Variants in DTNB observed in about 807,000 individuals in gnomAD.
DTNB encodes dystrobrevin beta, also known as DTN-B.
Under a neutral mutation model 90.7 loss-of-function variants are expected in DTNB, and 63 were observed. That is an observed-to-expected ratio of 0.69 (90% CI 0.57 to 0.86). The LOEUF (loss-of-function observed/expected upper bound fraction) is 0.86, where lower values mean the gene tolerates loss of function less well. Among genes scored for constraint, DTNB ranks in the 40% least tolerant of loss-of-function variants. The pLI is 0.00. For missense variants in DTNB, 744 were observed against 807.1 expected (o/e 0.92, Z 0.95); for synonymous variants, 277 against 286.7 (o/e 0.97, Z 0.34).
chr2:25,600,125 A>G (rs550931133), intron 5 of DTNB, among the ~76,000 whole-genome samples: 4 of 152,288 alleles, frequency 2.6e-5, no homozygotes, highest in African/African-American at 9.6e-5. Flanking sequence ...TGCTAGTCTT[A>G]CAAGGAGGAA....
chr2:25,560,229 T>G (rs564982459), intron 8 of DTNB, among the ~76,000 whole-genome samples: 29 of 152,232 alleles, frequency 1.9e-4, no homozygotes, highest in Non-Finnish European at 3.8e-4. Context: ...GGTGACAAAG[T>G]GAGACTCCGT....
intron 12 of DTNB, 141 bp from the exon 13 acceptor site, chr2:25,434,136 A>G (rs936354228): frequency 1.3e-5 from 9 of 717,572 alleles, no homozygotes; most frequent in Non-Finnish European, 1.8e-5. Context: ...ATACAATTCA[A>G]TGAGTCTTAG....
At chr2:25,471,926 T>A (rs190933250) in intron 10 of DTNB, among the ~76,000 whole-genome samples, 78 of 152,328 alleles carry the variant, frequency 5.1e-4, no homozygotes, top group African/African-American at 1.7e-3. Flanking sequence ...CAATGTAATA[T>A]TATATTTACA....
intron 10 of DTNB, among the ~76,000 whole-genome samples, chr2:25,477,189 C>T (rs1321507963): frequency 6.6e-6 from 1 of 152,146 alleles, no homozygotes; most frequent in Non-Finnish European, 1.5e-5. Flanking sequence ...ATATATACTG[C>T]TATTGCACAC....
chr2:25,654,411 A>G (rs567925927), intron 1 of DTNB, among the ~76,000 whole-genome samples: 15 of 152,308 alleles, frequency 9.8e-5, no homozygotes, highest in African/African-American at 3.4e-4. Flanking sequence ...ACTGCTAAAC[A>G]TTCTACAATG....
intron 18 of DTNB, among the ~76,000 whole-genome samples, chr2:25,384,384 A>G (rs778955682): frequency 6.6e-6 from 1 of 152,176 alleles, no homozygotes; most frequent in Non-Finnish European, 1.5e-5. Flanking sequence ...GGAAGTGCTA[A>G]TGCCGTCTAA....
intron 9 of DTNB, among the ~76,000 whole-genome samples, chr2:25,502,534 G>A (rs1439409477): frequency 6.6e-6 from 1 of 151,862 alleles, no homozygotes; most frequent in Non-Finnish European, 1.5e-5. Flanking sequence ...TTGAGCCCAG[G>A]AGGTGAAGAC....
At chr2:25,440,512 C>T (rs1305342661) in intron 12 of DTNB, among the ~76,000 whole-genome samples, 2 of 152,200 alleles carry the variant, frequency 1.3e-5, no homozygotes, top group Non-Finnish European at 2.9e-5. Context: ...GAACTTGCAA[C>T]ATGTGAGAAC....
At chr2:25,499,923 T>C (rs1364199425) in intron 9 of DTNB, among the ~76,000 whole-genome samples, 1 of 152,156 alleles carries the variant, frequency 6.6e-6, no homozygotes, top group Non-Finnish European at 1.5e-5. Context: ...TGAGACAGGG[T>C]CTTGCTCTTT....
At chr2:25,489,820 A>G (rs2066988512) in intron 9 of DTNB, among the ~76,000 whole-genome samples, 1 of 152,174 alleles carries the variant, frequency 6.6e-6, no homozygotes, top group Non-Finnish European at 1.5e-5. Flanking sequence ...AAATTTGAGG[A>G]ACTACCTGAA....
At position 25,628,231 on chromosome 2, in the gene DTNB, T is replaced by C. The variant is rs756276631; in HGVS notation, c.302A>G (p.Gln101Arg). 5 of 1,613,462 alleles carry C rather than the reference T, an allele frequency of 3.1e-6. No individual in the cohort carries two copies. Among genetic ancestry groups the C allele is most frequent in the Non-Finnish European group, 3.4e-6 (4 of 1,179,846 alleles). The change falls in exon 4 of 21, where the codon CAA (glutamine) becomes CGA (arginine). Residue 101 changes from glutamine (Q) to arginine (R), a missense_variant. Physicochemically the swap from Gln to Arg is conservative, Grantham distance 43. Transcript: ENST00000406818. The part of the protein sequence containing the change: ...QLNKRLPSTH[Q>R]ISVEQSISLL... Reference sequence around the variant, plus strand: ...GCTGATAGATTGTTCCACACTAATTTGGTGAGTAGAAGGAAGGCGCTTGTT... The same window carrying C: ...GCTGATAGATTGTTCCACACTAATTCGGTGAGTAGAAGGAAGGCGCTTGTT...
At chr2:25,434,949 T>C (rs1316073482) in intron 12 of DTNB, among the ~76,000 whole-genome samples, 2 of 152,210 alleles carry the variant, frequency 1.3e-5, no homozygotes, top group Non-Finnish European at 2.9e-5. Flanking sequence ...AAGTTCTCAA[T>C]AGTAAATTTT....
At chr2:25,646,792 C>T (rs2079551143) in intron 2 of DTNB, among the ~76,000 whole-genome samples, 1 of 152,154 alleles carries the variant, frequency 6.6e-6, no homozygotes, top group African/African-American at 2.4e-5. Flanking sequence ...AGCTGCATCC[C>T]GACTACCTTG....
intron 16 of DTNB, among the ~76,000 whole-genome samples, chr2:25,402,767 T>C (rs1210393025): frequency 6.6e-6 from 1 of 152,224 alleles, no homozygotes; most frequent in Admixed American, 6.5e-5. Context: ...ATTCTAGGAC[T>C]GCTGGATGAT....
intron 6 of DTNB, among the ~76,000 whole-genome samples, chr2:25,588,895 C>T (rs2062967424): frequency 6.6e-6 from 1 of 152,092 alleles, no homozygotes; most frequent in South Asian, 2.1e-4. Flanking sequence ...ACTACTAATC[C>T]ACACCAAAGT....
chr2:25,632,477 C>G (rs1469207540), intron 3 of DTNB, among the ~76,000 whole-genome samples: 1 of 152,168 alleles, frequency 6.6e-6, no homozygotes, highest in African/African-American at 2.4e-5. Context: ...TGTGGCAGTA[C>G]TGAGAGGTGG....
chr2:25,503,449 T>C (rs1376145618), intron 9 of DTNB, among the ~76,000 whole-genome samples: 1 of 151,978 alleles, frequency 6.6e-6, no homozygotes, highest in African/African-American at 2.4e-5. Flanking sequence ...GTTATGATTG[T>C]GTCACTGCAC....
intron 9 of DTNB, among the ~76,000 whole-genome samples, chr2:25,486,860 T>C (rs1232654015): frequency 1.3e-5 from 2 of 152,208 alleles, no homozygotes; most frequent in Non-Finnish European, 2.9e-5. Flanking sequence ...GAGCACCAGA[T>C]GTTCTGTATC....
chr2:25,497,190 T>A (rs921273876), intron 9 of DTNB: 1 of 152,234 alleles, frequency 6.6e-6, no homozygotes, highest in Non-Finnish European at 1.5e-5. Context: ...CAAACACACA[T>A]CTGCCTTCCA....
Sources: gnomAD v4.1 joint callset for allele counts (sites outside exome capture counted in the v4.1 genomes callset) on GRCh38, gnomAD v4.1.1 for gene constraint, MANE v1.5 for transcripts, NCBI Gene and HGNC (gene_info 2026-07-23, HGNC 2026-07-21) for gene names.